The following TTLL9 variants were observed in gnomAD, a reference collection of about 807,000 sequenced individuals.
The protein encoded by TTLL9 is tubulin tyrosine ligase like 9, also known as probable tubulin polyglutamylase TTLL9.
A neutral mutation model predicts 65.6 loss-of-function variants in TTLL9; 47 were observed. The ratio of observed to expected loss-of-function variants is 0.72; its 90% CI spans 0.57 to 0.91. The LOEUF (loss-of-function observed/expected upper bound fraction) is 0.91. TTLL9 is among the 40% of genes least tolerant of loss of function. TTLL9 has a pLI of 0.00. For missense variants in TTLL9, 537 were observed against 568.8 expected (o/e 0.94, Z 0.57); for synonymous variants, 179 against 204.8 (o/e 0.87, Z 1.07).
chr20:31,933,594 A>G (rs1318138686), intron 10 of TTLL9, among the ~76,000 whole-genome samples: 1 of 152,142 alleles, frequency 6.6e-6, no homozygotes, highest in African/African-American at 2.4e-5. Flanking sequence ...GGCCCAGGGA[A>G]GTGAAATGGC....
intron 2 of TTLL9, among the ~76,000 whole-genome samples, chr20:31,884,741 A>G (rs959776319): frequency 4.6e-5 from 7 of 152,226 alleles, no homozygotes; most frequent in Non-Finnish European, 7.3e-5. Flanking sequence ...GCCTTCTTCC[A>G]CATTTAAGGA....
intron 6 of TTLL9, among the ~76,000 whole-genome samples, chr20:31,913,436 A>G (rs561098386): frequency 8.5e-5 from 13 of 152,302 alleles, no homozygotes; most frequent in Admixed American, 5.9e-4. Context: ...TAGAGGGAGA[A>G]GAGTCCCCTG....
intron 4 of TTLL9, among the ~76,000 whole-genome samples, chr20:31,899,223 C>T (rs1389455235): frequency 6.6e-6 from 1 of 152,228 alleles, no homozygotes; most frequent in Non-Finnish European, 1.5e-5. Flanking sequence ...GATCCATCTG[C>T]TTCTGTCTTT....
At chr20:31,871,059 G>GTCCATCTTCCCATCCATTCA in intron 1 of TTLL9, 63 bp from the exon 2 acceptor site, 1 of 1,485,058 alleles carries the variant, frequency 6.7e-7, no homozygotes, top group Non-Finnish European at 9.4e-7. Context: ...TCATTCACTC[G>GTCCATCTTCCCATCCATTCA]TCCATCTTCC....
At chr20:31,933,087 C>G (rs1202431762) in intron 10 of TTLL9, among the ~76,000 whole-genome samples, 1 of 152,152 alleles carries the variant, frequency 6.6e-6, no homozygotes, top group Non-Finnish European at 1.5e-5. Flanking sequence ...GAATGGTGGT[C>G]ACTTAACTTC....
intron 4 of TTLL9, among the ~76,000 whole-genome samples, chr20:31,906,988 G>A (rs892985224): frequency 6.6e-6 from 1 of 152,222 alleles, no homozygotes; most frequent in Middle Eastern, 3.4e-3. Flanking sequence ...ATACTGTGGC[G>A]TGTTCACCCA....
At chr20:31,873,161 T>C (rs1166220077) in intron 2 of TTLL9, 1 of 395,874 alleles carries the variant, frequency 2.5e-6, no homozygotes, top group Non-Finnish European at 5.0e-6. Flanking sequence ...ATTGACTGGA[T>C]GTGGGGGGAA....
chr20:31,877,592 C>T (rs1225631865), intron 2 of TTLL9, among the ~76,000 whole-genome samples: 1 of 151,998 alleles, frequency 6.6e-6, no homozygotes, highest in Non-Finnish European at 1.5e-5. Flanking sequence ...TTATTTAATC[C>T]ATTTAATTAG....
At chr20:31,882,198 G>A (rs1029469875) in intron 2 of TTLL9, among the ~76,000 whole-genome samples, 1 of 152,178 alleles carries the variant, frequency 6.6e-6, no homozygotes, top group South Asian at 2.1e-4. Context: ...ATCTCCTCAA[G>A]GTTATGGTCG....
intron 2 of TTLL9, among the ~76,000 whole-genome samples, chr20:31,873,561 G>A (rs1348883481): frequency 6.6e-6 from 1 of 151,702 alleles, no homozygotes; most frequent in African/African-American, 2.4e-5. Flanking sequence ...TGGAGGCCAA[G>A]GTGGGAGGAT....
chr20:31,874,701 C>T (rs772669460), intron 2 of TTLL9, among the ~76,000 whole-genome samples: 2 of 152,102 alleles, frequency 1.3e-5, no homozygotes, highest in Admixed American at 6.6e-5. Flanking sequence ...TGAGCCACCG[C>T]GCCCAGCCAG....
Position 31,925,024 on chromosome 20 carries a change from T to A in TTLL9, c.680T>A (p.Leu227Gln), listed in dbSNP as rs761459303. Residue 227 changes from leucine (L) to glutamine (Q), a missense_variant, in exon 9 of 15, where the codon CTG becomes CAG. Physicochemically the swap from Leu to Gln is moderately radical, Grantham distance 113. Coordinates refer to ENST00000535842, the MANE Select transcript of TTLL9 (RefSeq NM_001008409.5). ...TGCCTGACAGGCCGCAAGTTTGACC[T>A]GCGTGTCTATGTGCTGGTGATGTCG... ...PYLIGGRKFD[L>Q]RVYVLVMSVF... The A allele has an allele frequency of 1.9e-6, 3 of 1,614,096 alleles. No homozygotes were observed. The highest frequency in any genetic ancestry group is 2.5e-6 in the Non-Finnish European group (3 of 1,179,988).
At chr20:31,903,829 T>A (rs760364859) in intron 4 of TTLL9, among the ~76,000 whole-genome samples, 5 of 152,264 alleles carry the variant, frequency 3.3e-5, no homozygotes, top group Non-Finnish European at 7.3e-5. Flanking sequence ...AGTCAGGACA[T>A]TAACATTGAT....
At chr20:31,912,398 G>C (rs1020717642) in intron 6 of TTLL9, among the ~76,000 whole-genome samples, 1 of 152,090 alleles carries the variant, frequency 6.6e-6, no homozygotes, top group South Asian at 2.1e-4. Context: ...TTTGAGTATC[G>C]AGATTGTGGA....
rs764099104 is a variant in TTLL9, at chr20:31,943,067, G to A, written c.*46G>A. The stretch of plus-strand genomic sequence containing the variant: ...ATCAGCCTTAGCAGGTGCCACCCAG[G>A]CCTCCCCCCCACTCCCAGATCCCAG... On this transcript the variant is annotated 3_prime_UTR_variant, in exon 15 of 15. Coordinates refer to ENST00000535842, the MANE Select transcript of TTLL9 (RefSeq NM_001008409.5). 6.4e-7 allele frequency: 1 copy of A among 1,565,664 alleles called. No individual in the cohort carries two copies. Among genetic ancestry groups the A allele is most frequent in the South Asian group, 1.1e-5 (1 of 90,220 alleles).
intron 2 of TTLL9, among the ~76,000 whole-genome samples, chr20:31,877,626 A>G (rs968667167): frequency 6.6e-6 from 1 of 152,196 alleles, no homozygotes; most frequent in Non-Finnish European, 1.5e-5. Context: ...AACCCTATGG[A>G]AAGTAAATTC....
intron 2 of TTLL9, among the ~76,000 whole-genome samples, chr20:31,873,686 GAAAGAAAGAAAGAA>G (rs1455612868): frequency 5.1e-4 from 14 of 27,240 alleles, no homozygotes; most frequent in African/African-American, 1.6e-3. Flanking sequence ...GAGAGAGAGA[GAAAGAAAGAAAGAA>G]AGAAAGAAAG....
intron 4 of TTLL9, among the ~76,000 whole-genome samples, chr20:31,900,798 G>C (rs2063467050): frequency 6.6e-6 from 1 of 152,146 alleles, no homozygotes. Flanking sequence ...GGGTGGTGTA[G>C]GGGAGAGAGA....
intron 10 of TTLL9, among the ~76,000 whole-genome samples, chr20:31,927,764 TG>T (rs2063933230): frequency 6.6e-6 from 1 of 152,062 alleles, no homozygotes; most frequent in African/African-American, 2.4e-5. Flanking sequence ...AAGATGGAAA[TG>T]GGGGTGACGC....
Sources: gnomAD v4.1 joint callset for allele counts (sites outside exome capture counted in the v4.1 genomes callset) on GRCh38, gnomAD v4.1.1 for gene constraint, MANE v1.5 for transcripts, NCBI Gene and HGNC (gene_info 2026-07-23, HGNC 2026-07-21) for gene names.